Variants in MTM1 observed in about 807,000 individuals in gnomAD.
MTM1 encodes myotubularin 1.
Under a neutral mutation model 52.1 loss-of-function variants are expected in MTM1, and 9 were observed. That is an observed-to-expected ratio of 0.17 (90% CI 0.10 to 0.30). The LOEUF (loss-of-function observed/expected upper bound fraction) is 0.30. Among genes scored for constraint, MTM1 ranks in the 10% least tolerant of loss-of-function variants. MTM1 has a pLI of 1.00. For missense variants in MTM1, 277 were observed against 470.7 expected, an observed-to-expected ratio of 0.59 and a Z score of 3.81; for synonymous variants, 136 against 163.8, an observed-to-expected ratio of 0.83 and a Z score of 1.29.
chrX:150,627,346 T>C (rs1242841114), intron 6 of MTM1, among the ~76,000 whole-genome samples: 1 of 111,908 alleles, frequency 8.9e-6, no homozygotes, highest in Non-Finnish European at 1.9e-5. Flanking sequence ...ATGTATAAAA[T>C]CTAAAGAATG....
intron 6 of MTM1, among the ~76,000 whole-genome samples, chrX:150,635,567 C>G (rs1396973567): frequency 1.8e-5 from 2 of 112,044 alleles, no homozygotes; most frequent in African/African-American, 6.5e-5. Context: ...CAAGTTACCA[C>G]TTGTAGGGGA....
At chrX:150,619,511 T>C (rs60515358) in intron 6 of MTM1, among the ~76,000 whole-genome samples, 3,761 of 112,205 alleles carry the variant, frequency 0.034, 149 homozygotes, top group African/African-American at 0.11. Context: ...TTTGATAGCA[T>C]TTATTATGTA....
At chrX:150,644,289 A>G (rs1479897694) in intron 8 of MTM1, among the ~76,000 whole-genome samples, 1 of 111,075 alleles carries the variant, frequency 9.0e-6, no homozygotes, top group African/African-American at 3.3e-5. Flanking sequence ...GGCAGATCTC[A>G]TATGTGCTGT....
At chrX:150,574,484 A>G (rs2038435094) in intron 1 of MTM1, among the ~76,000 whole-genome samples, 1 of 112,167 alleles carries the variant, frequency 8.9e-6, no homozygotes, top group Non-Finnish European at 1.9e-5. Flanking sequence ...CCAGTCCTTT[A>G]AGATAGCGCT....
rs782797861 is a variant in MTM1, at chrX:150,657,174, G to A, written c.1054-647G>A. On this transcript the variant is annotated intron_variant, in intron 10 of 14. Transcript: ENST00000370396. Reference sequence around the variant, plus strand: ...TGCTGCTATAAAGACACATGCACACGTATGTTTATTGCGGCACTATTCACA... The same window carrying A: ...TGCTGCTATAAAGACACATGCACACATATGTTTATTGCGGCACTATTCACA... 9.1e-5 allele frequency among the ~76,000 whole-genome samples: 10 copies of A among 109,946 alleles called. No homozygotes were observed. In the East Asian group the frequency reaches 2.6e-3, roughly 28 times the overall value.
intron 7 of MTM1, 117 bp downstream of exon 7, chrX:150,639,143 A>T (rs1174198507): frequency 1.6e-5 from 10 of 616,961 alleles, no homozygotes; most frequent in Admixed American, 1.1e-4. Context: ...TATCTTTTCA[A>T]TGGTGGTGAT....
chrX:150,628,747 T>TC (rs1179232159), intron 6 of MTM1, among the ~76,000 whole-genome samples: 1 of 109,901 alleles, frequency 9.1e-6, no homozygotes, highest in East Asian at 2.8e-4. Context: ...TTCTTTTTTT[T>TC]TTTTTGAGAC....
At chrX:150,643,347 C>A (rs782101778) in intron 8 of MTM1, among the ~76,000 whole-genome samples, 29 of 111,676 alleles carry the variant, frequency 2.6e-4, no homozygotes, top group Middle Eastern at 4.7e-3. Context: ...GATATGTATT[C>A]TCTTATTCTC....
At chrX:150,651,283 G>A (rs186346481) in intron 10 of MTM1, among the ~76,000 whole-genome samples, 103 of 111,245 alleles carry the variant, frequency 9.3e-4, no homozygotes, top group African/African-American at 2.9e-3. Context: ...TCTTATTGAC[G>A]TCTTACACTG....
chrX:150,622,194 CAA>C (rs10717650), intron 6 of MTM1, among the ~76,000 whole-genome samples: 1,303 of 67,978 alleles, frequency 0.019, 18 homozygotes, highest in African/African-American at 0.053. Flanking sequence ...AAGAAACTGC[CAA>C]AAAAAAAAAA....
chrX:150,573,356 A>G (rs1244671037), intron 1 of MTM1, among the ~76,000 whole-genome samples: 1 of 112,446 alleles, frequency 8.9e-6, no homozygotes, highest in Non-Finnish European at 1.9e-5. Context: ...AGTACAGATT[A>G]GTTTTTGCTT....
chrX:150,610,803 CA>C (rs2039262003), intron 4 of MTM1, among the ~76,000 whole-genome samples: 1 of 112,039 alleles, frequency 8.9e-6, no homozygotes, highest in Non-Finnish European at 1.9e-5. Flanking sequence ...TGTACAGAGA[CA>C]AAGAGTAGCA....
In MTM1 at chrX:150,660,365, G is replaced by A. The variant is rs1235590737; in HGVS notation, c.1354-6G>A. Reference sequence around the variant, plus strand: ...TTTCATGCTTTGTTTGCTTGTTTTTGTTTAGTTCCCTACAGCTTTTGAATT... The same window carrying A: ...TTTCATGCTTTGTTTGCTTGTTTTTATTTAGTTCCCTACAGCTTTTGAATT... On this transcript the variant is annotated splice_polypyrimidine_tract_variant and splice_region_variant and intron_variant, in intron 12 of 14. Coordinates refer to ENST00000370396, the MANE Select transcript of MTM1 (RefSeq NM_000252.3). The A allele has an allele frequency of 9.1e-7, 1 of 1,095,649 alleles. No homozygotes were observed. The highest frequency in any genetic ancestry group is 1.3e-6 in the Non-Finnish European group (1 of 791,648). The allele number at this position is 1,095,649 out of a possible 1,213,427, so 90.3% of individuals were successfully genotyped here.
At chrX:150,600,568 A>C (rs2039051858) in intron 4 of MTM1, among the ~76,000 whole-genome samples, 1 of 111,965 alleles carries the variant, frequency 8.9e-6, no homozygotes, top group Non-Finnish European at 1.9e-5. Context: ...GACACAGATA[A>C]CCAGGTTAGT....
intron 4 of MTM1, among the ~76,000 whole-genome samples, chrX:150,613,981 T>C (rs1402194382): frequency 8.9e-6 from 1 of 112,042 alleles, no homozygotes; most frequent in Non-Finnish European, 1.9e-5. Context: ...GGGGAATACA[T>C]ATGTGTAAAT....
At chrX:150,564,918 G>A (rs1557411169), upstream of MTM1, among the ~76,000 whole-genome samples, 1 of 111,837 alleles carries the variant, frequency 8.9e-6, no homozygotes, top group Non-Finnish European at 1.9e-5. Flanking sequence ...CTGCTTTGCA[G>A]TTCTCCTAGA....
chrX:150,567,759 G>T (rs782167374), upstream of MTM1, among the ~76,000 whole-genome samples: 1 of 111,545 alleles, frequency 9.0e-6, no homozygotes, highest in Non-Finnish European at 1.9e-5. Context: ...TCACCATGTC[G>T]TCCAGGCTGG....
At chrX:150,606,426 C>G (rs2039158481) in intron 4 of MTM1, among the ~76,000 whole-genome samples, 1 of 112,013 alleles carries the variant, frequency 8.9e-6, no homozygotes, top group South Asian at 3.7e-4. Flanking sequence ...AGTTCCACTA[C>G]AAGTTCAGGC....
chrX:150,592,710 T>A, intron 2 of MTM1, 33 bp downstream of exon 2: 2 of 961,024 alleles, frequency 2.1e-6, no homozygotes, highest in Non-Finnish European at 1.5e-6. Context: ...TCTGTCTCTT[T>A]CCTTGCATTT....
Sources: allele counts gnomAD v4.1 joint callset (sites outside exome capture counted in the v4.1 genomes callset), GRCh38; gene constraint gnomAD v4.1.1; transcripts MANE v1.5; gene names NCBI Gene and HGNC (gene_info 2026-07-23, HGNC 2026-07-21).